WDPCP: variants seen among roughly 807,000 people sequenced by gnomAD.
WDPCP encodes the protein WD repeat containing planar cell polarity effector.
In WDPCP, 71 loss-of-function variants were observed where a neutral mutation model predicts 93.1. That is an observed-to-expected ratio of 0.76 (90% confidence interval 0.63 to 0.93). The LOEUF is 0.93. Ranked by LOEUF, WDPCP falls within the 40% of genes least tolerant of loss-of-function variation. The probability of loss-of-function intolerance (pLI) is 0.00; values close to 1 mark genes in which losing one functional copy is unlikely to be tolerated. For missense variants in WDPCP, 844 were observed against 887.4 expected (o/e 0.95, Z 0.62); for synonymous variants, 315 against 315.0 (o/e 1.00, Z 0.00).
intron 13 of WDPCP, among the ~76,000 whole-genome samples, chr2:63,286,979 C>T (rs528989758): frequency 3.3e-5 from 5 of 152,302 alleles, no homozygotes; most frequent in South Asian, 2.1e-4. Flanking sequence ...TCTCACAGTT[C>T]CAGAAGCTGG....
chr2:63,148,774 G>GA (rs1306839998), intron 17 of WDPCP, among the ~76,000 whole-genome samples: 13 of 152,178 alleles, frequency 8.5e-5, no homozygotes, highest in African/African-American at 3.1e-4. Flanking sequence ...AATTTACAAG[G>GA]AATTTACAAG....
chr2:63,471,046 CA>C (rs1699662670), intron 6 of WDPCP, among the ~76,000 whole-genome samples: 1 of 152,188 alleles, frequency 6.6e-6, no homozygotes, highest in South Asian at 2.1e-4. Flanking sequence ...TACCATCCCC[CA>C]TCATGCTTTC....
rs1692432135 is a variant in WDPCP at position 63,382,906 on chromosome 2, T to G, written c.1436-812A>C. Among the ~76,000 whole-genome samples, 2 of 152,136 alleles carry G rather than the reference T, an allele frequency of 1.3e-5. 1 individual carries two copies. Among genetic ancestry groups the G allele is most frequent in the South Asian group, 4.1e-4 (2 of 4,832 alleles). On this transcript the variant is annotated intron_variant, in intron 10 of 17. Transcript: ENST00000272321. Reference sequence around the variant, plus strand: ...AAAGAATGTGACCGTCCAACAGCCTTCATGAGCCTGCAGTCAGGCATTGGA... The same window carrying G: ...AAAGAATGTGACCGTCCAACAGCCTGCATGAGCCTGCAGTCAGGCATTGGA...
intron 6 of WDPCP, among the ~76,000 whole-genome samples, chr2:63,479,731 A>G (rs1257717486): frequency 1.3e-5 from 2 of 152,188 alleles, no homozygotes; most frequent in African/African-American, 4.8e-5. Flanking sequence ...GGTTGAAAGC[A>G]TTTCCCCTGA....
rs1233100641 is a variant in WDPCP at position 63,588,318 on chromosome 2, A to C, written c.-47T>G. Reference sequence around the variant, plus strand: ...GAAGGTTCCTAGGCTAGGTCCTCGGACCCGAGAGGGAGCGACACGCTCGCT... The same window carrying C: ...GAAGGTTCCTAGGCTAGGTCCTCGGCCCCGAGAGGGAGCGACACGCTCGCT... On this transcript the variant is annotated 5_prime_UTR_variant, in exon 1 of 18. Transcript: ENST00000272321. 2.3e-5 allele frequency: 35 copies of C among 1,551,590 alleles called. No individual in the cohort carries two copies. Among genetic ancestry groups the C allele is most frequent in the Non-Finnish European group, 3.0e-5 (34 of 1,145,284 alleles).
intron 12 of WDPCP, among the ~76,000 whole-genome samples, chr2:63,342,494 T>C (rs939340856): frequency 1.3e-5 from 2 of 152,234 alleles, no homozygotes; most frequent in African/African-American, 4.8e-5. Context: ...CAGTGTACCA[T>C]TTTAATCTTC....
intron 15 of WDPCP, among the ~76,000 whole-genome samples, chr2:63,168,363 CT>C (rs140074836): frequency 0.011 from 1,739 of 151,710 alleles, 33 homozygotes; most frequent in African/African-American, 0.041. Context: ...TTTCATTTGC[CT>C]GAATATCTTT....
At chr2:63,694,908 T>C (rs1419952672) in intron 2 of WDPCP, among the ~76,000 whole-genome samples, 1 of 152,196 alleles carries the variant, frequency 6.6e-6, no homozygotes, top group African/African-American at 2.4e-5. Context: ...AGGGTTCAAC[T>C]TCTGTCTGGT....
intron 1 of WDPCP, among the ~76,000 whole-genome samples, chr2:63,524,496 A>G: frequency 6.6e-6 from 1 of 152,202 alleles, no homozygotes; most frequent in East Asian, 1.9e-4. Flanking sequence ...AAAACAAGCA[A>G]TGGGGAAAGG....
intron 12 of WDPCP, among the ~76,000 whole-genome samples, chr2:63,340,353 A>G (rs946969160): frequency 1.3e-5 from 2 of 152,172 alleles, no homozygotes; most frequent in Admixed American, 6.5e-5. Context: ...CATACCTCCT[A>G]AAGTGTGGTG....
intron 13 of WDPCP, among the ~76,000 whole-genome samples, chr2:63,303,733 C>T (rs1685505215): frequency 6.6e-6 from 1 of 152,082 alleles, no homozygotes; most frequent in African/African-American, 2.4e-5. Context: ...TTGGTCTTGG[C>T]TCTCTGGGGC....
At chr2:63,479,693 A>G (rs192418292) in intron 6 of WDPCP, among the ~76,000 whole-genome samples, 1 of 152,282 alleles carries the variant, frequency 6.6e-6, no homozygotes, top group East Asian at 1.9e-4. Context: ...TGACAAACCC[A>G]CAGCCAACAT....
intron 6 of WDPCP, among the ~76,000 whole-genome samples, chr2:63,463,900 C>A (rs1414587510): frequency 6.6e-6 from 1 of 152,038 alleles, no homozygotes; most frequent in East Asian, 1.9e-4. Flanking sequence ...GTATCACGGA[C>A]CCAATCTATA....
intron 13 of WDPCP, among the ~76,000 whole-genome samples, chr2:63,282,898 A>G (rs551795129): frequency 1.8e-4 from 27 of 152,320 alleles, no homozygotes; most frequent in African/African-American, 6.3e-4. Context: ...AAACACTTTA[A>G]ATCATCTCTT....
chr2:63,396,007 G>GT (rs1395834291), intron 10 of WDPCP, among the ~76,000 whole-genome samples: 2 of 152,236 alleles, frequency 1.3e-5, no homozygotes, highest in East Asian at 3.9e-4. Context: ...GGGATTACAG[G>GT]TATTAGCCAC....
At chr2:63,167,629 T>C (rs1309469772) in intron 15 of WDPCP, among the ~76,000 whole-genome samples, 5 of 152,200 alleles carry the variant, frequency 3.3e-5, no homozygotes, top group Admixed American at 1.3e-4. Flanking sequence ...GTTTGTAATA[T>C]TTAGTGAAAT....
intron 13 of WDPCP, among the ~76,000 whole-genome samples, chr2:63,287,631 C>T (rs751167324): frequency 9.9e-5 from 15 of 152,158 alleles, no homozygotes; most frequent in Non-Finnish European, 1.8e-4. Context: ...AAACTCTGGT[C>T]CATCAAATTT....
At chr2:63,217,940 T>G (rs1196940371) in intron 14 of WDPCP, among the ~76,000 whole-genome samples, 2 of 152,176 alleles carry the variant, frequency 1.3e-5, no homozygotes, top group Non-Finnish European at 2.9e-5. Flanking sequence ...ATTAGGCTAT[T>G]TAAGGTTGTC....
At chr2:63,276,924 C>A (rs986577836) in intron 13 of WDPCP, among the ~76,000 whole-genome samples, 5 of 152,116 alleles carry the variant, frequency 3.3e-5, no homozygotes, top group Non-Finnish European at 7.4e-5. Flanking sequence ...GGCACATAGT[C>A]ATCAAGTTAT....
Sources: allele counts gnomAD v4.1 joint callset (sites outside exome capture counted in the v4.1 genomes callset), GRCh38; gene constraint gnomAD v4.1.1; transcripts MANE v1.5; gene names NCBI Gene and HGNC (gene_info 2026-07-23, HGNC 2026-07-21).